The following NEK9 variants were observed in gnomAD, a reference collection of about 807,000 sequenced individuals.
NEK9 encodes the protein NIMA related kinase 9.
A neutral mutation model predicts 123.4 loss-of-function variants in NEK9; 75 were observed. The ratio of observed to expected loss-of-function variants is 0.61; its 90% CI spans 0.50 to 0.74. The LOEUF (loss-of-function observed/expected upper bound fraction) is 0.74, where lower values mean the gene tolerates loss of function less well. NEK9 is among the 30% of genes least tolerant of loss of function. The probability of loss-of-function intolerance (pLI) is 0.00; values close to 1 mark genes in which losing one functional copy is unlikely to be tolerated. For synonymous variants in NEK9, 438 were observed against 458.7 expected (o/e 0.95, Z 0.58); for missense variants, 952 against 1,214.4 (o/e 0.78, Z 3.21).
intron 2 of NEK9, 75 bp from the exon 3 acceptor site, chr14:75,121,249 G>A: frequency 9.2e-7 from 1 of 1,091,142 alleles, no homozygotes; most frequent in Non-Finnish European, 1.4e-6. Context: ...GGTTTTTTTA[G>A]GTGACACAAG....
rs1240607851 is a variant in NEK9, at chr14:75,103,836, A to G, written c.1731+6T>C. 1.2e-6 allele frequency: 2 copies of G among 1,604,910 alleles called. No homozygotes were observed. Among genetic ancestry groups the G allele is most frequent in the Non-Finnish European group, 8.5e-7 (1 of 1,176,248 alleles). On this transcript the variant is annotated splice_donor_region_variant and intron_variant, in intron 14 of 21. Transcript: ENST00000238616. ...ATGTGGTTAGAACACCAATCAGGACACTCACTTCATGGTTGATAATTCCCG... is the reference window on the plus strand; with the variant it reads ...ATGTGGTTAGAACACCAATCAGGACGCTCACTTCATGGTTGATAATTCCCG...
chr14:75,124,910 A>C (rs1385708115), intron 1 of NEK9, among the ~76,000 whole-genome samples: 1 of 150,096 alleles, frequency 6.7e-6, no homozygotes, highest in Non-Finnish European at 1.5e-5. Context: ...AGTTGGGACT[A>C]CAGGCACGCA....
At chr14:75,121,587 G>A (rs1183168817) in intron 2 of NEK9, among the ~76,000 whole-genome samples, 1 of 152,190 alleles carries the variant, frequency 6.6e-6, no homozygotes, top group African/African-American at 2.4e-5. Context: ...ATTGGCTCAC[G>A]CCTATAATCC....
At chr14:75,123,412 AT>A (rs952889800) in intron 2 of NEK9, among the ~76,000 whole-genome samples, 38 of 151,260 alleles carry the variant, frequency 2.5e-4, no homozygotes, top group Non-Finnish European at 4.4e-4. Context: ...CTCAAAAAAA[AT>A]AATAATAATA....
In NEK9 at chr14:75,126,967, G is replaced by A. The variant is rs1895558315; in HGVS notation, c.-46C>T. The A allele has an allele frequency of 2.2e-6, 3 of 1,376,672 alleles. No individual in the cohort carries two copies. The highest frequency in any genetic ancestry group is 2.9e-6 in the Non-Finnish European group (3 of 1,052,526). The allele number at this position is 1,376,672 out of a possible 1,614,324, so 85.3% of individuals were successfully genotyped here. ...GGGACCAGCCTGCGTATGCCCGGAG[G>A]CCCTGGCCGCGCTGCGTCCCGCTCG... On this transcript the variant is annotated 5_prime_UTR_variant, in exon 1 of 22. Coordinates refer to ENST00000238616, the MANE Select transcript of NEK9 (RefSeq NM_033116.6).
intron 9 of NEK9, 109 bp from the exon 10 acceptor site, chr14:75,109,986 G>C: frequency 9.0e-7 from 1 of 1,116,266 alleles, no homozygotes; most frequent in South Asian, 1.6e-5. Flanking sequence ...GTATGAGAAA[G>C]TATGTTCTTT....
intron 18 of NEK9, among the ~76,000 whole-genome samples, chr14:75,094,302 T>C (rs1032196261): frequency 6.6e-6 from 1 of 152,188 alleles, no homozygotes; most frequent in South Asian, 2.1e-4. Context: ...TTATTCGAGA[T>C]AGGGTCTTGC....
chr14:75,097,595 ACAAAAC>A (rs1004218068), intron 16 of NEK9, among the ~76,000 whole-genome samples: 5 of 152,352 alleles, frequency 3.3e-5, no homozygotes, highest in African/African-American at 1.2e-4. Context: ...AGAGCAGTGA[ACAAAAC>A]CAAGTCCTTG....
chr14:75,101,844 C>T, intron 14 of NEK9, 79 bp from the exon 15 acceptor site: 1 of 1,027,768 alleles, frequency 9.7e-7, no homozygotes, highest in East Asian at 2.4e-5. Context: ...GGAAAAAAGT[C>T]CTGGTGACCA....
At chr14:75,099,764 A>C (rs528971412) in intron 16 of NEK9, among the ~76,000 whole-genome samples, 50 of 141,902 alleles carry the variant, frequency 3.5e-4, no homozygotes, top group East Asian at 1.9e-3. Context: ...CCTGGGCGAC[A>C]ACAGTGAGAT....
At chr14:75,090,728 C>A (rs906128007) in intron 19 of NEK9, among the ~76,000 whole-genome samples, 3 of 151,950 alleles carry the variant, frequency 2.0e-5, no homozygotes. Flanking sequence ...CACACTACTA[C>A]ACCCGGCTAA....
rs1276432281 is a variant in NEK9 at position 75,079,966 on chromosome 14, G to T, written c.*4598C>A. ...AGTTGTTTGCTCTCATTTTGCTAAAGAAATAAAACAATAGTCAATGCCTTA... is the reference window on the plus strand; with the variant it reads ...AGTTGTTTGCTCTCATTTTGCTAAATAAATAAAACAATAGTCAATGCCTTA... On this transcript the variant is annotated 3_prime_UTR_variant, in exon 22 of 22. Transcript: ENST00000238616. 4 of 152,224 alleles carry T rather than the reference G, an allele frequency of 2.6e-5. No homozygotes were observed. The highest frequency in any genetic ancestry group is 2.9e-5 in the Non-Finnish European group (2 of 68,036). 9.4% of individuals were successfully genotyped at this position (152,224 alleles called of 1,614,324 possible).
intron 2 of NEK9, among the ~76,000 whole-genome samples, chr14:75,123,084 C>A (rs1174098775): frequency 6.6e-6 from 1 of 151,994 alleles, no homozygotes; most frequent in Non-Finnish European, 1.5e-5. Context: ...TGTGCACTGT[C>A]CCTGGCCAAC....
At position 75,083,016 on chromosome 14, in the gene NEK9, TC is replaced by T; in HGVS notation, c.*1547del. 1 of 398,654 alleles carries T rather than the reference TC, an allele frequency of 2.5e-6. No homozygotes were observed. The highest frequency in any genetic ancestry group is 3.6e-5 in the East Asian group (1 of 28,084). The allele number at this position is 398,654 out of a possible 1,614,324, so 24.7% of individuals were successfully genotyped here. ...AGATCCCATTGAACAGAGTTGCCTG[TC>T]CCGAGCAATGGGGTTCTCCCCAAGC... On this transcript the variant is annotated 3_prime_UTR_variant, in exon 22 of 22. Coordinates refer to ENST00000238616, the MANE Select transcript of NEK9 (RefSeq NM_033116.6).
At chr14:75,120,778 A>G (rs1310235521) in intron 3 of NEK9, 198 bp from the exon 4 acceptor site, 4 of 584,462 alleles carry the variant, frequency 6.8e-6, no homozygotes, top group Non-Finnish European at 1.2e-5. Context: ...GTTCCTCATA[A>G]AATAGTTCCA....
chr14:75,107,525 T>C (rs1894819750), intron 10 of NEK9, 38 bp from the exon 11 acceptor site: 11 of 1,499,842 alleles, frequency 7.3e-6, no homozygotes, highest in Non-Finnish European at 9.8e-6. Context: ...TTTTTTTTAA[T>C]TACATTTTAT....
At chr14:75,086,149 A>G (rs1424794401) in intron 21 of NEK9, among the ~76,000 whole-genome samples, 2 of 151,906 alleles carry the variant, frequency 1.3e-5, no homozygotes, top group African/African-American at 4.8e-5. Flanking sequence ...AGATCACGCC[A>G]CTGCACTCCA....
chr14:75,106,416 G>T, intron 12 of NEK9, 86 bp downstream of exon 12: 1 of 1,129,318 alleles, frequency 8.9e-7, no homozygotes, highest in Non-Finnish European at 1.3e-6. Context: ...CTCATTTAGG[G>T]GCTGCATGAT....
chr14:75,123,713 G>T (rs1336270409), intron 2 of NEK9, among the ~76,000 whole-genome samples: 1 of 152,092 alleles, frequency 6.6e-6, no homozygotes, highest in Non-Finnish European at 1.5e-5. Context: ...ATTAAATACT[G>T]TATCAAGTGC....
Sources: gnomAD v4.1 joint callset for allele counts (sites outside exome capture counted in the v4.1 genomes callset) on GRCh38, gnomAD v4.1.1 for gene constraint, MANE v1.5 for transcripts, NCBI Gene and HGNC (gene_info 2026-07-23, HGNC 2026-07-21) for gene names.